Variants in KPNA3 observed in about 807,000 individuals in gnomAD.
The protein encoded by KPNA3 is karyopherin subunit alpha 3, also known as importin subunit alpha-4.
Under a neutral mutation model 73.8 loss-of-function variants are expected in KPNA3, and 13 were observed. The observed-to-expected ratio is 0.18, with a 90% CI of 0.11 to 0.28. KPNA3 has a LOEUF of 0.28. KPNA3 is among the 10% of genes least tolerant of loss of function. The pLI, the probability that KPNA3 is intolerant of heterozygous loss-of-function variation, is 1.00. For synonymous variants in KPNA3, 186 were observed against 206.9 expected (o/e 0.90, Z 0.87); for missense variants, 360 against 618.1 (o/e 0.58, Z 4.43).
At chr13:49,764,304 C>G (rs1195193955) in intron 1 of KPNA3, among the ~76,000 whole-genome samples, 1 of 152,032 alleles carries the variant, frequency 6.6e-6, no homozygotes, top group African/African-American at 2.4e-5. Flanking sequence ...AAGTGTGCAA[C>G]AGAAAAAATA....
chr13:49,746,903 A>T, intron 2 of KPNA3, 46 bp downstream of exon 2: 1 of 1,417,902 alleles, frequency 7.1e-7, no homozygotes, highest in Non-Finnish European at 9.9e-7. Context: ...GAATTTTAAC[A>T]TCAGAAAAAT....
At chr13:49,755,401 T>C (rs1954701910) in intron 1 of KPNA3, among the ~76,000 whole-genome samples, 1 of 152,106 alleles carries the variant, frequency 6.6e-6, no homozygotes, top group African/African-American at 2.4e-5. Flanking sequence ...AACAAGAAAA[T>C]GGTGTCCACT....
At chr13:49,746,049 C>A (rs1277289126) in intron 2 of KPNA3, among the ~76,000 whole-genome samples, 1 of 114,402 alleles carries the variant, frequency 8.7e-6, no homozygotes, top group Non-Finnish European at 1.7e-5. Context: ...GGCGACAGAG[C>A]GAGACTCTGC....
intron 1 of KPNA3, among the ~76,000 whole-genome samples, chr13:49,760,680 G>A (rs1000401414): frequency 3.3e-5 from 5 of 152,166 alleles, no homozygotes; most frequent in African/African-American, 1.2e-4. Flanking sequence ...ACAGCACTGA[G>A]CTCGTCCCTC....
chr13:49,725,315 C>A, intron 7 of KPNA3, 101 bp downstream of exon 7: 1 of 539,376 alleles, frequency 1.9e-6, no homozygotes, highest in Non-Finnish European at 3.2e-6. Context: ...TAAAAGTCAT[C>A]ATTTAAAAAA....
chr13:49,733,307 G>C (rs1359385389), intron 2 of KPNA3, among the ~76,000 whole-genome samples: 1 of 58,764 alleles, frequency 1.7e-5, no homozygotes, highest in Non-Finnish European at 4.3e-5. Context: ...TTTTTTTGGA[G>C]ACAAGAGTCT....
chr13:49,736,299 T>C (rs983212921), intron 2 of KPNA3, among the ~76,000 whole-genome samples: 26 of 152,202 alleles, frequency 1.7e-4, no homozygotes, highest in African/African-American at 6.0e-4. Context: ...CCACAAGTTT[T>C]ATAAGTTATA....
chr13:49,745,837 G>A (rs1954611921), intron 2 of KPNA3, among the ~76,000 whole-genome samples: 2 of 150,912 alleles, frequency 1.3e-5, no homozygotes, highest in African/African-American at 4.9e-5. Context: ...GCTGAGGCGG[G>A]CAGATCACGA....
At chr13:49,736,702 G>A (rs967243371) in intron 2 of KPNA3, among the ~76,000 whole-genome samples, 4 of 152,222 alleles carry the variant, frequency 2.6e-5, no homozygotes, top group Non-Finnish European at 5.9e-5. Flanking sequence ...GCATGTGTGT[G>A]TGTGTATTAC....
chr13:49,734,932 T>C (rs1221271464), intron 2 of KPNA3, among the ~76,000 whole-genome samples: 1 of 89,298 alleles, frequency 1.1e-5, no homozygotes, highest in Non-Finnish European at 2.8e-5. Context: ...CATATATATA[T>C]ATATATAGAG....
chr13:49,718,014 T>C (rs900870499), intron 10 of KPNA3, among the ~76,000 whole-genome samples: 2 of 152,172 alleles, frequency 1.3e-5, no homozygotes, highest in Non-Finnish European at 2.9e-5. Context: ...ACTGTGAGCC[T>C]ATGGATTATA....
chr13:49,710,875 A>T lies in KPNA3; in HGVS notation c.903+16T>A. On this transcript the variant is annotated intron_variant, in intron 11 of 16. Coordinates refer to ENST00000261667, the MANE Select transcript of KPNA3 (RefSeq NM_002267.4). ...ACACAACTGTATACAAATAAGAAAA[A>T]TTTAAAAATACTTACTTGAACTTTG... 1.2e-6 allele frequency: 2 copies of T among 1,607,850 alleles called. No individual in the cohort carries two copies. Among genetic ancestry groups the T allele is most frequent in the East Asian group, 2.2e-5 (1 of 44,798 alleles).
chr13:49,731,303 G>A (rs1193507568), intron 6 of KPNA3, among the ~76,000 whole-genome samples: 1 of 123,004 alleles, frequency 8.1e-6, no homozygotes, highest in Non-Finnish European at 1.6e-5. Flanking sequence ...TGCCCAGGCT[G>A]CTCTCGAACT....
At chr13:49,779,959 T>C (rs1300739954) in intron 1 of KPNA3, among the ~76,000 whole-genome samples, 2 of 152,114 alleles carry the variant, frequency 1.3e-5, no homozygotes, top group Admixed American at 6.6e-5. Context: ...TAAGTTCTTA[T>C]ACACCATTTT....
intron 2 of KPNA3, among the ~76,000 whole-genome samples, chr13:49,737,800 T>C (rs58303577): frequency 0.21 from 31,642 of 152,174 alleles, 3,650 homozygotes; most frequent in Middle Eastern, 0.27. Context: ...TGAGAGTTCA[T>C]TGTATGTGCT....
chr13:49,761,959 C>T (rs1954766902), intron 1 of KPNA3, among the ~76,000 whole-genome samples: 1 of 151,768 alleles, frequency 6.6e-6, no homozygotes, highest in Non-Finnish European at 1.5e-5. Flanking sequence ...GCCCCTCCAC[C>T]CGGCAGCCGC....
intron 1 of KPNA3, among the ~76,000 whole-genome samples, chr13:49,769,693 T>G (rs1302411946): frequency 6.6e-6 from 1 of 152,206 alleles, no homozygotes; most frequent in Non-Finnish European, 1.5e-5. Context: ...TCAAGGACAT[T>G]TGGGTTGTTT....
intron 1 of KPNA3, among the ~76,000 whole-genome samples, chr13:49,764,343 C>CA (rs1484920193): frequency 2.0e-5 from 3 of 152,108 alleles, no homozygotes; most frequent in African/African-American, 7.2e-5. Flanking sequence ...ATAGGTATAA[C>CA]AAATTCTAGG....
chr13:49,733,068 C>G (rs373828691), intron 2 of KPNA3, 22 bp from the exon 3 acceptor site: 8 of 1,453,736 alleles, frequency 5.5e-6, no homozygotes, highest in Non-Finnish European at 7.7e-6. Context: ...CCAATAAATG[C>G]TTAAGAAGTC....
Sources: gnomAD v4.1 joint callset for allele counts (sites outside exome capture counted in the v4.1 genomes callset) on GRCh38, gnomAD v4.1.1 for gene constraint, MANE v1.5 for transcripts, NCBI Gene and HGNC (gene_info 2026-07-23, HGNC 2026-07-21) for gene names.